Variants in TBK1 observed in about 807,000 individuals in gnomAD.
The protein encoded by TBK1 is TANK binding kinase 1, also known as serine/threonine-protein kinase TBK1.
Under a neutral mutation model 99.9 loss-of-function variants are expected in TBK1, and 37 were observed. The observed-to-expected ratio is 0.37, with a 90% CI of 0.28 to 0.49. TBK1 has a LOEUF of 0.49. Among genes scored for constraint, TBK1 ranks in the 20% least tolerant of loss-of-function variants. The pLI is 0.98. For synonymous variants in TBK1, 258 were observed against 279.8 expected, an observed-to-expected ratio of 0.92 and a Z score of 0.78; for missense variants, 644 against 872.5, an observed-to-expected ratio of 0.74 and a Z score of 3.30.
intron 13 of TBK1, 50 bp from the exon 14 acceptor site, chr12:64,495,433 A>G (rs372961718): frequency 2.5e-6 from 4 of 1,598,954 alleles, no homozygotes; most frequent in Non-Finnish European, 3.4e-6. Flanking sequence ...GACTGTGATG[A>G]TCATTTCTGG....
chr12:64,480,458 G>A (rs2040758604), intron 7 of TBK1, among the ~76,000 whole-genome samples: 1 of 152,126 alleles, frequency 6.6e-6, no homozygotes, highest in African/African-American at 2.4e-5. Flanking sequence ...ATAACAAATA[G>A]TGGATTAGAT....
chr12:64,457,350 T>C (rs2040500855), intron 2 of TBK1, among the ~76,000 whole-genome samples: 1 of 152,212 alleles, frequency 6.6e-6, no homozygotes. Context: ...TGGATTCTTA[T>C]TCAGATTACT....
chr12:64,479,795 AATTATGGCAT>A (rs1324037159), intron 6 of TBK1, among the ~76,000 whole-genome samples: 2 of 152,194 alleles, frequency 1.3e-5, no homozygotes, highest in African/African-American at 4.8e-5. Flanking sequence ...AATGAAAATT[AATTATGGCAT>A]ATATAAATAA....
At chr12:64,472,177 C>G (rs2040668655) in intron 5 of TBK1, among the ~76,000 whole-genome samples, 1 of 151,634 alleles carries the variant, frequency 6.6e-6, no homozygotes, top group African/African-American at 2.4e-5. Flanking sequence ...ATACCCAGTT[C>G]TTATACTTGT....
At chr12:64,464,763 C>G (rs951436415) in intron 4 of TBK1, among the ~76,000 whole-genome samples, 1 of 151,952 alleles carries the variant, frequency 6.6e-6, no homozygotes, top group Admixed American at 6.6e-5. Context: ...CCAAATAACC[C>G]AATTTAAAAA....
chr12:64,454,944 T>C (rs1368362732), intron 1 of TBK1, among the ~76,000 whole-genome samples: 4 of 151,896 alleles, frequency 2.6e-5, no homozygotes, highest in Non-Finnish European at 5.9e-5. Flanking sequence ...CCCAAAGTGC[T>C]GGGATTACAG....
At chr12:64,497,576 T>G in intron 18 of TBK1, 72 bp from the exon 19 acceptor site, 1 of 1,010,390 alleles carries the variant, frequency 9.9e-7, no homozygotes, top group East Asian at 2.5e-5. Context: ...TGATGTCAGA[T>G]CTGTAGTAAG....
chr12:64,453,217 A>G (rs149460770), intron 1 of TBK1, among the ~76,000 whole-genome samples: 24 of 152,334 alleles, frequency 1.6e-4, no homozygotes, highest in Admixed American at 6.5e-4. Context: ...CCTGACCACT[A>G]TTGTGATTAC....
chr12:64,493,703 A>C (rs953926698), intron 13 of TBK1, among the ~76,000 whole-genome samples: 1 of 152,100 alleles, frequency 6.6e-6, no homozygotes, highest in African/African-American at 2.4e-5. Flanking sequence ...AGAAATGCAC[A>C]TTTTGGGACC....
chr12:64,497,252 C>T lies in TBK1; in HGVS notation c.1952C>T (p.Thr651Ile). The T allele has an allele frequency of 1.3e-6, 2 of 1,577,716 alleles. No homozygotes were observed. The highest frequency in any genetic ancestry group is 1.7e-6 in the Non-Finnish European group (2 of 1,158,096). ...GAAGTATCAAAATATCAAGAATATA[C>T]TAATGAGGTAGGTACAGCTGTCAAG... The part of the protein sequence containing the change: ...EEEVSKYQEY[T>I]NELQETLPQK... Residue 651 changes from threonine (T) to isoleucine (I), a missense_variant, in exon 18 of 21, where the codon ACT becomes ATT. Physicochemically the swap from Thr to Ile is moderately conservative, Grantham distance 89. Transcript: ENST00000331710.
chr12:64,497,826 C>A (rs1465043824), intron 19 of TBK1, 72 bp downstream of exon 19: 4 of 1,438,098 alleles, frequency 2.8e-6, no homozygotes, highest in Admixed American at 4.0e-5. Flanking sequence ...TTTGCTCTTA[C>A]ATTTTGAAAT....
At chr12:64,471,912 G>T (rs1041160016) in intron 5 of TBK1, among the ~76,000 whole-genome samples, 5 of 152,226 alleles carry the variant, frequency 3.3e-5, no homozygotes, top group African/African-American at 1.2e-4. Context: ...CGTGTGAGGA[G>T]GTCCGTCTTT....
chr12:64,466,758 T>C, intron 4 of TBK1, 143 bp from the exon 5 acceptor site: 1 of 348,832 alleles, frequency 2.9e-6, no homozygotes, highest in South Asian at 1.3e-4. Flanking sequence ...ATATTTATTA[T>C]CTATTCTTTG....
At chr12:64,463,276 G>A (rs1486530109) in intron 3 of TBK1, among the ~76,000 whole-genome samples, 1 of 152,100 alleles carries the variant, frequency 6.6e-6, no homozygotes, top group Non-Finnish European at 1.5e-5. Context: ...GGAGGCTGAG[G>A]CAGGAGAATG....
intron 6 of TBK1, among the ~76,000 whole-genome samples, chr12:64,475,355 T>C (rs942952038): frequency 2.6e-5 from 4 of 152,150 alleles, no homozygotes; most frequent in African/African-American, 7.2e-5. Flanking sequence ...GTTTGGACTT[T>C]TGTTGATCCT....
chr12:64,474,493 C>CA, intron 6 of TBK1, 103 bp downstream of exon 6: 1 of 1,149,792 alleles, frequency 8.7e-7, no homozygotes, highest in South Asian at 1.7e-5. Flanking sequence ...ATTGATTTAA[C>CA]AATCATTTCT....
intron 13 of TBK1, among the ~76,000 whole-genome samples, chr12:64,494,119 A>C (rs561470601): frequency 9.8e-5 from 15 of 152,302 alleles, no homozygotes; most frequent in African/African-American, 2.6e-4. Context: ...TCTAAACATT[A>C]ATGTTAAAAC....
At chr12:64,454,670 A>ATT (rs1565809913) in intron 1 of TBK1, among the ~76,000 whole-genome samples, 6 of 101,788 alleles carry the variant, frequency 5.9e-5, no homozygotes, top group Admixed American at 1.2e-4. Context: ...AGAAACTCAG[A>ATT]TCTTTTTTTT....
chr12:64,495,036 A>C (rs190276886), intron 13 of TBK1, among the ~76,000 whole-genome samples: 1 of 152,288 alleles, frequency 6.6e-6, no homozygotes, highest in Non-Finnish European at 1.5e-5. Flanking sequence ...GTTTCTTTTC[A>C]TTTTCTGTTT....
Sources: allele counts gnomAD v4.1 joint callset (sites outside exome capture counted in the v4.1 genomes callset), GRCh38; gene constraint gnomAD v4.1.1; transcripts MANE v1.5; gene names NCBI Gene and HGNC (gene_info 2026-07-23, HGNC 2026-07-21).